The following SLC35F4 variants were observed in gnomAD, a reference collection of about 807,000 sequenced individuals.
SLC35F4 encodes the protein solute carrier family 35 member F4.
Under a neutral mutation model 44.2 loss-of-function variants are expected in SLC35F4, and 24 were observed. The observed-to-expected ratio is 0.54, with a 90% CI of 0.39 to 0.76. The LOEUF (loss-of-function observed/expected upper bound fraction) is 0.76. Among genes scored for constraint, SLC35F4 ranks in the 30% least tolerant of loss-of-function variants. The pLI, the probability that SLC35F4 is intolerant of heterozygous loss-of-function variation, is 0.00. For synonymous variants in SLC35F4, 238 were observed against 223.6 expected, an observed-to-expected ratio of 1.06 and a Z score of -0.57; for missense variants, 562 against 586.1, an observed-to-expected ratio of 0.96 and a Z score of 0.42.
At chr14:57,944,307 G>A (rs1480409550) in intron 1 of SLC35F4, among the ~76,000 whole-genome samples, 1 of 151,902 alleles carries the variant, frequency 6.6e-6, no homozygotes, top group Non-Finnish European at 1.5e-5. Flanking sequence ...GTGACCTTTC[G>A]CATACAAATG....
chr14:57,856,655 C>T (rs1887130951), intron 1 of SLC35F4, among the ~76,000 whole-genome samples: 1 of 151,986 alleles, frequency 6.6e-6, no homozygotes. Context: ...TAGTTTAAAA[C>T]CATATTACAA....
At chr14:57,827,907 A>G (rs1337498884) in intron 1 of SLC35F4, among the ~76,000 whole-genome samples, 1 of 152,172 alleles carries the variant, frequency 6.6e-6, no homozygotes, top group Non-Finnish European at 1.5e-5. Flanking sequence ...ACCTCAGCTG[A>G]AGACATTACC....
chr14:57,618,297 G>T (rs1006799060), intron 1 of SLC35F4, among the ~76,000 whole-genome samples: 1 of 152,162 alleles, frequency 6.6e-6, no homozygotes, highest in African/African-American at 2.4e-5. Context: ...CAAGACTGAC[G>T]CAGAAGGTGG....
At position 57,677,198 on chromosome 14, in the gene SLC35F4, A is replaced by T. The variant is rs200705643; in HGVS notation, c.104-83074T>A. 5.3e-5 allele frequency among the ~76,000 whole-genome samples: 8 copies of T among 152,128 alleles called. No homozygotes were observed. In the East Asian group the frequency reaches 1.2e-3, roughly 22 times the overall value. On this transcript the variant is annotated intron_variant, in intron 1 of 7. Coordinates refer to ENST00000556826, the MANE Select transcript of SLC35F4 (RefSeq NM_001306087.2). Reference sequence around the variant, plus strand: ...CCATATGTTCTCACTTATAAGTAGGAGCTAAGCTATGAGGATGCAAAGGAA... The same window carrying T: ...CCATATGTTCTCACTTATAAGTAGGTGCTAAGCTATGAGGATGCAAAGGAA...
chr14:57,745,071 C>T (rs1023593203), intron 1 of SLC35F4, among the ~76,000 whole-genome samples: 1 of 152,160 alleles, frequency 6.6e-6, no homozygotes, highest in Admixed American at 6.5e-5. Context: ...ACACCTTATA[C>T]AAAAATTAAT....
chr14:57,775,555 G>C (rs1403151709), intron 1 of SLC35F4, among the ~76,000 whole-genome samples: 1 of 152,158 alleles, frequency 6.6e-6, no homozygotes, highest in Non-Finnish European at 1.5e-5. Flanking sequence ...GCTCTTTAAG[G>C]TTTTCCAGAA....
At chr14:57,571,747 A>G (rs949531174) in intron 5 of SLC35F4, 147 bp downstream of exon 5, 27 of 1,182,266 alleles carry the variant, frequency 2.3e-5, no homozygotes, top group Admixed American at 9.4e-5. Context: ...GCAGGTACCC[A>G]TCACATAACA....
intron 1 of SLC35F4, among the ~76,000 whole-genome samples, chr14:57,840,795 T>C (rs1393784503): frequency 1.3e-5 from 2 of 152,164 alleles, no homozygotes; most frequent in African/African-American, 2.4e-5. Context: ...AAAGAGCAAA[T>C]CACATGTTCC....
intron 1 of SLC35F4, among the ~76,000 whole-genome samples, chr14:57,708,292 A>G (rs1024966053): frequency 1.3e-5 from 2 of 152,170 alleles, no homozygotes; most frequent in African/African-American, 4.8e-5. Flanking sequence ...AACCTGACCA[A>G]TCAGCACTCC....
intron 1 of SLC35F4, among the ~76,000 whole-genome samples, chr14:57,949,661 C>T (rs1890099648): frequency 6.6e-6 from 1 of 152,026 alleles, no homozygotes; most frequent in South Asian, 2.1e-4. Flanking sequence ...TTTTGGTGTA[C>T]TCTGAGGTTT....
intron 1 of SLC35F4, among the ~76,000 whole-genome samples, chr14:57,940,004 G>A (rs1393214648): frequency 6.6e-6 from 1 of 152,176 alleles, no homozygotes; most frequent in African/African-American, 2.4e-5. Flanking sequence ...CCTTTTTGGA[G>A]AACAGTTTCA....
chr14:57,908,183 A>G (rs891627216), intron 1 of SLC35F4, among the ~76,000 whole-genome samples: 1 of 152,206 alleles, frequency 6.6e-6, no homozygotes, highest in African/African-American at 2.4e-5. Flanking sequence ...TTCTTAATCC[A>G]GTCTATCATT....
chr14:57,566,924 T>C (rs1408989552), intron 6 of SLC35F4, among the ~76,000 whole-genome samples: 4 of 152,262 alleles, frequency 2.6e-5, no homozygotes, highest in Non-Finnish European at 1.5e-5. Context: ...CTCATCTCTT[T>C]ATTGCTGTGC....
At chr14:57,583,331 G>A (rs556345595) in intron 3 of SLC35F4, among the ~76,000 whole-genome samples, 1 of 150,062 alleles carries the variant, frequency 6.7e-6, no homozygotes, top group Non-Finnish European at 1.5e-5. Context: ...CTGGAGTTGA[G>A]AGTCGTGGGT....
chr14:57,745,434 G>C (rs551394452), intron 1 of SLC35F4, among the ~76,000 whole-genome samples: 6 of 152,332 alleles, frequency 3.9e-5, no homozygotes, highest in African/African-American at 1.2e-4. Context: ...GATGTGAACA[G>C]ACACTTTTCA....
At chr14:57,804,911 A>C (rs530759639) in intron 1 of SLC35F4, among the ~76,000 whole-genome samples, 42 of 152,182 alleles carry the variant, frequency 2.8e-4, no homozygotes, top group Non-Finnish European at 5.7e-4. Flanking sequence ...GAGAAATTTA[A>C]ACAAATTTAC....
At chr14:57,677,017 C>T (rs1200267129) in intron 1 of SLC35F4, among the ~76,000 whole-genome samples, 1 of 152,052 alleles carries the variant, frequency 6.6e-6, no homozygotes, top group Non-Finnish European at 1.5e-5. Flanking sequence ...AGCCTAAATG[C>T]CCATCAACCA....
At position 57,564,093 on chromosome 14, in the gene SLC35F4, T is replaced by A. The variant is rs1343198724; in HGVS notation, c.*42A>T. The A allele has an allele frequency of 6.2e-7, 1 of 1,602,108 alleles. No individual in the cohort carries two copies. The highest frequency in any genetic ancestry group is 1.1e-5 in the South Asian group (1 of 90,192). Reference sequence around the variant, plus strand: ...AGGTAGTGAGAAAATTTTGTTATATTCACAGAATATACATACACGTGCATT... The same window carrying A: ...AGGTAGTGAGAAAATTTTGTTATATACACAGAATATACATACACGTGCATT... On this transcript the variant is annotated 3_prime_UTR_variant, in exon 8 of 8. Coordinates refer to ENST00000556826, the MANE Select transcript of SLC35F4 (RefSeq NM_001306087.2).
At chr14:57,737,705 G>A (rs1243487323) in intron 1 of SLC35F4, among the ~76,000 whole-genome samples, 3 of 152,168 alleles carry the variant, frequency 2.0e-5, no homozygotes, top group Non-Finnish European at 4.4e-5. Flanking sequence ...CTTACTGTAA[G>A]CCGTGCTACA....
Sources: allele counts gnomAD v4.1 joint callset (sites outside exome capture counted in the v4.1 genomes callset), GRCh38; gene constraint gnomAD v4.1.1; transcripts MANE v1.5; gene names NCBI Gene and HGNC (gene_info 2026-07-23, HGNC 2026-07-21).